The following ADAMTS12 variants were observed in gnomAD, a reference collection of about 807,000 sequenced individuals.
The protein encoded by ADAMTS12 is A disintegrin and metalloproteinase with thrombospondin motifs 12.
In ADAMTS12, 118 loss-of-function variants were observed where a neutral mutation model predicts 167.8. That is an observed-to-expected ratio of 0.70 (90% CI 0.61 to 0.82). The LOEUF is 0.82. Ranked by LOEUF, ADAMTS12 falls within the 40% of genes least tolerant of loss-of-function variation. The pLI, the probability that ADAMTS12 is intolerant of heterozygous loss-of-function variation, is 0.00. For synonymous variants in ADAMTS12, 704 were observed against 716.9 expected (o/e 0.98, Z 0.29); for missense variants, 1,916 against 1,998.8 (o/e 0.96, Z 0.79).
intron 3 of ADAMTS12, among the ~76,000 whole-genome samples, chr5:33,719,076 G>A (rs1162139461): frequency 1.3e-5 from 2 of 152,164 alleles, no homozygotes; most frequent in Admixed American, 1.3e-4. Context: ...ACAGCCCTGT[G>A]AGATGGGTGT....
chr5:33,574,578 CA>C (rs993937822), intron 19 of ADAMTS12, among the ~76,000 whole-genome samples: 1 of 132,146 alleles, frequency 7.6e-6, no homozygotes, highest in Non-Finnish European at 1.5e-5. Flanking sequence ...AGGGGAACAT[CA>C]CACTCTGGGG....
Position 33,641,965 on chromosome 5 carries a change from G to A in ADAMTS12, c.1573-10C>T, listed in dbSNP as rs1408332384. ...TGCCTGCCATACACCACTGGAAAGGGAAGAGGCAGGAGATGGCCGTATCAG... is the reference window on the plus strand; with the variant it reads ...TGCCTGCCATACACCACTGGAAAGGAAAGAGGCAGGAGATGGCCGTATCAG... On this transcript the variant is annotated splice_polypyrimidine_tract_variant and intron_variant, in intron 10 of 23. Transcript: ENST00000504830. 5 of 1,605,728 alleles carry A rather than the reference G, an allele frequency of 3.1e-6. No individual in the cohort carries two copies. The highest frequency in any genetic ancestry group is 1.7e-4 in the Middle Eastern group (1 of 6,046).
In ADAMTS12 at chr5:33,834,626, A is replaced by C. The variant is rs537018325; in HGVS notation, c.489+46493T>G. On this transcript the variant is annotated intron_variant, in intron 2 of 23. Coordinates refer to ENST00000504830, the MANE Select transcript of ADAMTS12 (RefSeq NM_030955.4). ...TATGAATCCCCACTGGAGGAGTCAG[A>C]AGGACAAAGCCATCCTCCAAAGTCA... 7.7e-4 allele frequency among the ~76,000 whole-genome samples: 117 copies of C among 152,286 alleles called. 1 individual carries two copies. Among genetic ancestry groups the C allele is most frequent in the African/African-American group, 2.8e-3 (116 of 41,552 alleles).
chr5:33,619,280 C>T (rs1739188198), intron 14 of ADAMTS12, among the ~76,000 whole-genome samples: 1 of 152,196 alleles, frequency 6.6e-6, no homozygotes. Flanking sequence ...GTTACGTTAG[C>T]TCCTTTACAG....
chr5:33,695,385 T>C (rs116586798), intron 3 of ADAMTS12, among the ~76,000 whole-genome samples: 1,872 of 152,222 alleles, frequency 0.012, 12 homozygotes, highest in Non-Finnish European at 0.018. Flanking sequence ...GAGAGGGGAA[T>C]AAATAGAGAC....
intron 2 of ADAMTS12, among the ~76,000 whole-genome samples, chr5:33,821,792 G>T (rs1262796867): frequency 1.3e-5 from 2 of 152,100 alleles, no homozygotes; most frequent in African/African-American, 4.8e-5. Flanking sequence ...TTGCTATACA[G>T]ATGTTAATTA....
Position 33,891,014 on chromosome 5 carries a change from T to C in ADAMTS12, c.127+716A>G, listed in dbSNP as rs755959653. 6.6e-5 allele frequency among the ~76,000 whole-genome samples: 10 copies of C among 152,254 alleles called. No homozygotes were observed. In the South Asian group the frequency reaches 1.0e-3, roughly 16 times the overall value. On this transcript the variant is annotated intron_variant, in intron 1 of 23. Transcript: ENST00000504830. The stretch of plus-strand genomic sequence containing the variant: ...CCAAACATGAAGGTGCCTCTGACCC[T>C]TCCAAGTCCAATAAACTGCTGACTG...
intron 22 of ADAMTS12, among the ~76,000 whole-genome samples, chr5:33,545,249 C>T (rs1215249124): frequency 6.6e-6 from 1 of 152,136 alleles, no homozygotes; most frequent in East Asian, 1.9e-4. Flanking sequence ...AGCCAACAGA[C>T]ACATGAAAAA....
At position 33,527,333 on chromosome 5, in the gene ADAMTS12, C is replaced by G. The variant is rs138941165; in HGVS notation, c.4640G>C (p.Ser1547Thr). The change falls in exon 24 of 24, where the codon AGT becomes ACT. Residue 1547 changes from serine (S) to threonine (T), a missense_variant. By Grantham distance (58) the Ser-to-Thr change is moderately conservative. Coordinates refer to ENST00000504830, the MANE Select transcript of ADAMTS12 (RefSeq NM_030955.4). ...CATGGCTTTCAGTGTCTGGCAGAAA[C>G]TGGCTGACAGTTTGTCCTTAGTGCA... ...LLCTKDKLSA[S>T]FCQTLKAMKK... is the part of the protein sequence containing the mutation. The G allele has an allele frequency of 6.1e-5, 98 of 1,614,118 alleles. No individual in the cohort carries two copies. In the African/African-American group the frequency reaches 9.7e-4, roughly 16 times the overall value.
At position 33,557,437 on chromosome 5, in the gene ADAMTS12, C is replaced by T. The variant is rs148098168; in HGVS notation, c.4125+3590G>A. 2.4e-3 allele frequency among the ~76,000 whole-genome samples: 371 copies of T among 152,206 alleles called. 1 individual carries two copies. The highest frequency in any genetic ancestry group is 8.4e-3 in the African/African-American group (347 of 41,524). On this transcript the variant is annotated intron_variant, in intron 20 of 23. Transcript: ENST00000504830. ...AGCATAAAAGGCCTATCAGAATTAGCGAAGCTCAGAGGGAAGGCCTTCAAA... is the reference window on the plus strand; with the variant it reads ...AGCATAAAAGGCCTATCAGAATTAGTGAAGCTCAGAGGGAAGGCCTTCAAA...
chr5:33,756,327 T>A (rs968851166), intron 2 of ADAMTS12, among the ~76,000 whole-genome samples: 4 of 152,200 alleles, frequency 2.6e-5, no homozygotes, highest in African/African-American at 9.7e-5. Flanking sequence ...TGCTATGGAT[T>A]CCAGCACTGT....
chr5:33,543,673 C>A (rs113948934), intron 22 of ADAMTS12, among the ~76,000 whole-genome samples: 1 of 152,022 alleles, frequency 6.6e-6, no homozygotes, highest in Non-Finnish European at 1.5e-5. Context: ...ATTATCAAGT[C>A]GGCTTCATCC....
At chr5:33,685,934 T>A (rs1422148724) in intron 3 of ADAMTS12, among the ~76,000 whole-genome samples, 1 of 152,204 alleles carries the variant, frequency 6.6e-6, no homozygotes, top group Non-Finnish European at 1.5e-5. Flanking sequence ...TGCTTTCAAA[T>A]GTCTCTGTGT....
chr5:33,685,775 C>T (rs1391970337), intron 3 of ADAMTS12, among the ~76,000 whole-genome samples: 2 of 152,148 alleles, frequency 1.3e-5, no homozygotes, highest in Non-Finnish European at 2.9e-5. Context: ...GTTTCCTTCT[C>T]CACTCACTTT....
chr5:33,843,225 T>C (rs1430702695), intron 2 of ADAMTS12, among the ~76,000 whole-genome samples: 1 of 152,214 alleles, frequency 6.6e-6, no homozygotes, highest in East Asian at 1.9e-4. Context: ...ATAGGCATGA[T>C]ACATGGTGCA....
intron 3 of ADAMTS12, among the ~76,000 whole-genome samples, chr5:33,739,287 A>C (rs1744481460): frequency 6.6e-6 from 1 of 151,648 alleles, no homozygotes; most frequent in South Asian, 2.1e-4. Flanking sequence ...ACATATAGGC[A>C]AACACACACA....
chr5:33,751,035 T>TA (rs754604252), intron 3 of ADAMTS12, among the ~76,000 whole-genome samples: 2 of 152,370 alleles, frequency 1.3e-5, no homozygotes, highest in South Asian at 2.1e-4. Context: ...ACACTGCTAA[T>TA]ACTGAAAATC....
In ADAMTS12 at chr5:33,724,603, C is replaced by G. The variant is rs1241143991; in HGVS notation, c.634+26801G>C. Among the ~76,000 whole-genome samples, 11 of 150,022 alleles carry G rather than the reference C, an allele frequency of 7.3e-5. No individual in the cohort carries two copies. The East Asian group carries it at 7.9e-4, about 11-fold the overall frequency. ...GTCTCGCTCTTTCGCCCAGGTTGGA[C>G]TGCAGCGGCGCTATCTCGGCTCACT... On this transcript the variant is annotated intron_variant, in intron 3 of 23. Transcript: ENST00000504830.
At chr5:33,730,310 GTGTGTGTGTGTC>G (rs1452684992) in intron 3 of ADAMTS12, among the ~76,000 whole-genome samples, 2 of 151,618 alleles carry the variant, frequency 1.3e-5, no homozygotes, top group Non-Finnish European at 1.5e-5. Flanking sequence ...GTGTGTGTGT[GTGTGTGTGTGTC>G]TGTGTGTGTG....
Sources: gnomAD v4.1 joint callset for allele counts (sites outside exome capture counted in the v4.1 genomes callset) on GRCh38, gnomAD v4.1.1 for gene constraint, MANE v1.5 for transcripts, NCBI Gene and HGNC (gene_info 2026-07-23, HGNC 2026-07-21) for gene names.